Variants in DNAH7 observed in about 807,000 individuals in gnomAD.
The protein encoded by DNAH7 is axonemal beta dynein heavy chain 7.
In DNAH7, 397 loss-of-function variants were observed where a neutral mutation model predicts 444.6. That is an observed-to-expected ratio of 0.89 (90% confidence interval 0.82 to 0.97). The LOEUF (loss-of-function observed/expected upper bound fraction) is 0.97, where lower values mean the gene tolerates loss of function less well. DNAH7 is among the 50% of genes least tolerant of loss of function. The probability of loss-of-function intolerance (pLI) is 0.00; values close to 1 mark genes in which losing one functional copy is unlikely to be tolerated. For missense variants in DNAH7, 4,902 were observed against 4,800.8 expected, an observed-to-expected ratio of 1.02 and a Z score of -0.62; for synonymous variants, 1,636 against 1,624.4, an observed-to-expected ratio of 1.01 and a Z score of -0.17.
chr2:195,949,612 T>C (rs1386834509), intron 19 of DNAH7, among the ~76,000 whole-genome samples: 1 of 152,160 alleles, frequency 6.6e-6, no homozygotes, highest in Non-Finnish European at 1.5e-5. Context: ...CCTGCCTGAT[T>C]GCCCTGGCCA....
At chr2:195,876,414 C>T (rs1468521490) in intron 37 of DNAH7, 130 bp downstream of exon 37, 1 of 875,528 alleles carries the variant, frequency 1.1e-6, no homozygotes. Context: ...TTTAGGAGAA[C>T]CTTTTAATCC....
chr2:196,035,737 A>C (rs1013270444), intron 5 of DNAH7, among the ~76,000 whole-genome samples: 5 of 152,198 alleles, frequency 3.3e-5, no homozygotes, highest in Non-Finnish European at 5.9e-5. Context: ...GCCAGGAGGA[A>C]TGCTCCATTG....
intron 17 of DNAH7, among the ~76,000 whole-genome samples, chr2:195,963,872 T>C (rs1691282116): frequency 6.6e-6 from 1 of 152,232 alleles, no homozygotes; most frequent in African/African-American, 2.4e-5. Context: ...GATTGTCTTT[T>C]TCCCAAAGTA....
intron 8 of DNAH7, among the ~76,000 whole-genome samples, chr2:196,022,117 AC>A (rs1695419235): frequency 6.6e-6 from 1 of 151,962 alleles, no homozygotes; most frequent in South Asian, 2.1e-4. Context: ...AGAGAGTGAG[AC>A]CCTGTCTCGG....
At chr2:195,895,423 G>A (rs764955341) in intron 29 of DNAH7, among the ~76,000 whole-genome samples, 199 bp from the exon 30 acceptor site, 10 of 151,646 alleles carry the variant, frequency 6.6e-5, no homozygotes, top group Admixed American at 3.3e-4. Flanking sequence ...TATGATGTTC[G>A]TTTTGCAAAC....
chr2:195,936,761 T>C lies in DNAH7; in HGVS notation c.3110A>G (p.Asp1037Gly). 6.3e-7 allele frequency: 1 copy of C among 1,584,784 alleles called. No individual in the cohort carries two copies. Among genetic ancestry groups the C allele is most frequent in the Non-Finnish European group, 8.6e-7 (1 of 1,168,398 alleles). The change falls in exon 20 of 65, where the codon GAC becomes GGC. Residue 1037 changes from aspartate (D) to glycine (G), a missense_variant. Physicochemically the swap from Asp to Gly is moderately conservative, Grantham distance 94. Transcript: ENST00000312428. ...DKHVLTVVTI[D>G]RMLERLKKSN... ...TTTTTTCAGCCTTTCCAGCATTCTG[T>C]CAATGGTTACAACTGTCAGAACATG... is the stretch of plus-strand genomic sequence containing the variant.
At chr2:195,924,157 T>G (rs892432805) in intron 22 of DNAH7, among the ~76,000 whole-genome samples, 2 of 152,192 alleles carry the variant, frequency 1.3e-5, no homozygotes, top group Non-Finnish European at 2.9e-5. Context: ...CAGTTCTTCC[T>G]GGGGACTGCT....
chr2:195,857,713 A>T lies in DNAH7; in HGVS notation c.8078T>A (p.Val2693Glu), dbSNP rs746858697. Residue 2693 changes from valine (V) to glutamate (E), a missense_variant, in exon 44 of 65, where the codon GTG becomes GAG. Transcript: ENST00000312428. ...AGGAGGACTCTTCATGGATTTTACC[A>T]CTGTAATATCCTTGAAATAACAACG... ...LDTLTAQDIT[V>E]VKSMKSPPAG... 4.3e-5 allele frequency: 68 copies of T among 1,595,860 alleles called. No individual in the cohort carries two copies. Among genetic ancestry groups the T allele is most frequent in the Non-Finnish European group, 5.7e-5 (67 of 1,172,100 alleles).
intron 63 of DNAH7, among the ~76,000 whole-genome samples, chr2:195,743,455 C>T (rs1170370113): frequency 7.1e-6 from 1 of 141,732 alleles, no homozygotes; most frequent in Admixed American, 7.4e-5. Context: ...TTTAGGTGCC[C>T]CTTTTCATTG....
chr2:195,989,788 TCTCCTG>T (rs1294114144), intron 12 of DNAH7, among the ~76,000 whole-genome samples: 6 of 152,086 alleles, frequency 3.9e-5, no homozygotes, highest in Non-Finnish European at 5.9e-5. Context: ...CACTCCAGTC[TCTCCTG>T]CTCCTGCTCC....
chr2:196,012,950 T>C, intron 9 of DNAH7, 44 bp from the exon 10 acceptor site: 2 of 1,345,108 alleles, frequency 1.5e-6, no homozygotes, highest in Non-Finnish European at 2.0e-6. Flanking sequence ...ATGACTTTTT[T>C]GGTATTTAAT....
intron 61 of DNAH7, among the ~76,000 whole-genome samples, chr2:195,763,293 C>T (rs1049150849): frequency 1.3e-5 from 2 of 151,908 alleles, no homozygotes; most frequent in Non-Finnish European, 2.9e-5. Flanking sequence ...AGCAGAAAAA[C>T]TTCAAATAAA....
At position 195,872,422 on chromosome 2, in the gene DNAH7, T is replaced by C. The variant is rs1445562412; in HGVS notation, c.6461A>G (p.Asn2154Ser). ...TTCTTTATACAGAGTCATTGTGCCA[T>C]TTACGATTTGTGTGGTCAAATCTAG... ...EFLDLTTQIV[N>S]GTMTLYKEAM... The change falls in exon 40 of 65, where the codon AAT becomes AGT. Residue 2154 changes from asparagine (N) to serine (S), a missense_variant. Asn to Ser is a conservative substitution (Grantham distance 46). Coordinates refer to ENST00000312428, the MANE Select transcript of DNAH7 (RefSeq NM_018897.3). The C allele has an allele frequency of 6.2e-7, 1 of 1,610,038 alleles. No individual in the cohort carries two copies. Among genetic ancestry groups the C allele is most frequent in the Non-Finnish European group, 8.5e-7 (1 of 1,177,862 alleles).
intron 21 of DNAH7, among the ~76,000 whole-genome samples, chr2:195,934,284 G>A (rs996915): frequency 0.014 from 2,122 of 152,290 alleles, 56 homozygotes; most frequent in African/African-American, 0.048. Flanking sequence ...AAGAGAGACT[G>A]CATAGAACAA....
At chr2:195,913,995 C>T (rs558467721) in intron 24 of DNAH7, among the ~76,000 whole-genome samples, 1 of 152,174 alleles carries the variant, frequency 6.6e-6, no homozygotes, top group East Asian at 1.9e-4. Flanking sequence ...ATTACAGGCG[C>T]GAGCCACCGT....
At position 195,817,749 on chromosome 2, in the gene DNAH7, T is replaced by C; in HGVS notation, c.9372A>G (p.Pro3124=). Residue 3124 remains proline (P), a synonymous_variant, in exon 50 of 65, where the codon CCA becomes CCG. Coordinates refer to ENST00000312428, the MANE Select transcript of DNAH7 (RefSeq NM_018897.3). ...LLGIVVAQER[P]DLEEEKQALI... is the part of the protein sequence containing the mutation. ...AGGCTTGCTTTTCTTCTTCAAGGTC[T>C]GGCCTTTCTTGTGCCACCACAATTC... 6.2e-7 allele frequency: 1 copy of C among 1,613,458 alleles called. No individual in the cohort carries two copies. The highest frequency in any genetic ancestry group is 8.5e-7 in the Non-Finnish European group (1 of 1,179,726).
At chr2:196,041,856 CAACAAAT>C (rs1696783722) in intron 5 of DNAH7, among the ~76,000 whole-genome samples, 1 of 151,372 alleles carries the variant, frequency 6.6e-6, no homozygotes, top group African/African-American at 2.4e-5. Context: ...AACAACTCAA[CAACAAAT>C]AATAATAATA....
intron 61 of DNAH7, among the ~76,000 whole-genome samples, chr2:195,766,784 A>G (rs1694607583): frequency 6.6e-6 from 1 of 152,202 alleles, no homozygotes; most frequent in Non-Finnish European, 1.5e-5. Flanking sequence ...CTGTATGAGA[A>G]TATCTCATGT....
At chr2:195,848,476 TA>T (rs771517079) in intron 46 of DNAH7, among the ~76,000 whole-genome samples, 48 of 152,262 alleles carry the variant, frequency 3.2e-4, no homozygotes, top group Non-Finnish European at 6.6e-4. Context: ...ATCACTTGAT[TA>T]AAGTGTTGTC....
Sources: gnomAD v4.1 joint callset for allele counts (sites outside exome capture counted in the v4.1 genomes callset) on GRCh38, gnomAD v4.1.1 for gene constraint, MANE v1.5 for transcripts, NCBI Gene and HGNC (gene_info 2026-07-23, HGNC 2026-07-21) for gene names.